CELF3: variants seen among roughly 807,000 people sequenced by gnomAD.
The protein encoded by CELF3 is CUGBP Elav-like family member 3.
CELF3 carries 26 observed loss-of-function variants against 59.6 expected under a neutral mutation model. That is an observed-to-expected ratio of 0.44 (90% CI 0.32 to 0.61). The LOEUF is 0.61. Ranked by LOEUF, CELF3 falls within the 20% of genes least tolerant of loss-of-function variation. The probability of loss-of-function intolerance (pLI) is 0.06; values close to 1 mark genes in which losing one functional copy is unlikely to be tolerated. For missense variants in CELF3, 387 were observed against 627.2 expected (o/e 0.62, Z 4.09); for synonymous variants, 245 against 250.7 (o/e 0.98, Z 0.22).
intron 2 of CELF3, chr1:151,714,381 C>T (rs1172976155): frequency 4.8e-6 from 3 of 628,154 alleles, no homozygotes; most frequent in African/African-American, 3.7e-5. Flanking sequence ...TGGTAAAAGT[C>T]ATGTTTACGC....
chr1:151,707,024 G>T, intron 8 of CELF3, 121 bp downstream of exon 8: 1 of 1,168,844 alleles, frequency 8.6e-7, no homozygotes. Context: ...CGCCCAGGAT[G>T]GCAGGGCAGG....
rs532045283 is a variant in CELF3 at position 151,701,330 on chromosome 1, G to A, written c.*2129C>T. The stretch of plus-strand genomic sequence containing the variant: ...GCACATGTTCTATGAAGTCAAAGAA[G>A]ACACCTGTGTGATCCTGAGCCTGCC... On this transcript the variant is annotated 3_prime_UTR_variant, in exon 13 of 13. Transcript: ENST00000290583. 1.6e-4 allele frequency among the ~76,000 whole-genome samples: 24 copies of A among 152,278 alleles called. 1 individual carries two copies. The South Asian group carries it at 5.0e-3, about 32-fold the overall frequency.
rs766413787 is a variant in CELF3, at chr1:151,706,325, G to A, written c.1025C>T (p.Ala342Val). Residue 342 changes from alanine to valine, a missense_variant, in exon 10 of 13, where the codon GCG (alanine) becomes GTG (valine). By Grantham distance (64) the Ala-to-Val change is moderately conservative (BLOSUM62 0). Coordinates refer to ENST00000290583, the MANE Select transcript of CELF3 (RefSeq NM_007185.7). ...YPAAYSLVAP[A>V]FPQPPALVAQ... ...GACCAGGGCTGGAGGCTGCGGGAAC[G>A]CAGGTGCAACCAGGCTGTAGGCTGC... The A allele has an allele frequency of 5.8e-6, 9 of 1,553,058 alleles. No individual in the cohort carries two copies. The highest frequency in any genetic ancestry group is 2.0e-5 in the Admixed American group (1 of 51,150).
At chr1:151,713,544 C>T (rs1380393360) in intron 2 of CELF3, 2 of 152,232 alleles carry the variant, frequency 1.3e-5, no homozygotes, top group Non-Finnish European at 2.9e-5. Flanking sequence ...TGAGGGGCCT[C>T]CACAGAGAAA....
In CELF3 at chr1:151,709,690, C is replaced by A; in HGVS notation, c.277+53G>T. The A allele has an allele frequency of 6.4e-7, 1 of 1,570,678 alleles. No homozygotes were observed. Among genetic ancestry groups the A allele is most frequent in the Admixed American group, 1.7e-5 (1 of 59,968 alleles). On this transcript the variant is annotated intron_variant, in intron 3 of 12. Coordinates refer to ENST00000290583, the MANE Select transcript of CELF3 (RefSeq NM_007185.7). This position sits in a 1 kb window ranked among gnomAD's most constrained non-coding sequence, Gnocchi z 4.9. Reference sequence around the variant, plus strand: ...AGGCTACCCCTCGACAACTCCAGGCCCTGGGCCTGGGGGTGGGAGGAGAGG... The same window carrying A: ...AGGCTACCCCTCGACAACTCCAGGCACTGGGCCTGGGGGTGGGAGGAGAGG...
intron 7 of CELF3, 67 bp from the exon 8 acceptor site, chr1:151,707,361 A>C (rs1020274515): frequency 1.3e-6 from 2 of 1,543,908 alleles, no homozygotes; most frequent in Non-Finnish European, 8.7e-7. Flanking sequence ...AGAACCAGTC[A>C]GCAAGTCTGT....
chr1:151,710,970 C>T (rs1437407405), intron 2 of CELF3: 7 of 385,780 alleles, frequency 1.8e-5, no homozygotes, highest in Non-Finnish European at 2.1e-5. Flanking sequence ...ACCTGGTTGC[C>T]CCACTCATCT....
rs1417764992 is a variant in CELF3 at position 151,708,120 on chromosome 1, C to T, written c.487-185G>A. ...CACTCTCTCCCTATGCTAGGATGTG[C>T]AAGAGGCTAGAAGAAAAAATGAGGA... On this transcript the variant is annotated intron_variant, in intron 5 of 12. Transcript: ENST00000290583. 3 of 598,936 alleles carry T rather than the reference C, an allele frequency of 5.0e-6. No individual in the cohort carries two copies. In the Admixed American group the frequency reaches 1.0e-4, roughly 20 times the overall value. 37.1% of individuals were successfully genotyped at this position (598,936 alleles called of 1,614,324 possible).
intron 12 of CELF3, among the ~76,000 whole-genome samples, chr1:151,704,295 G>A (rs1391501121): frequency 6.6e-6 from 1 of 152,168 alleles, no homozygotes; most frequent in Non-Finnish European, 1.5e-5. Context: ...TTTCTCAAGG[G>A]TTTGGTCCAA....
At chr1:151,708,847 G>T (rs1438033963) in intron 5 of CELF3, 151 bp downstream of exon 5, 1 of 663,730 alleles carries the variant, frequency 1.5e-6, no homozygotes, top group East Asian at 2.8e-5. Context: ...GAAATGTGAG[G>T]GTGTCCCTAA....
At chr1:151,706,414 C>G in intron 9 of CELF3, 53 bp from the exon 10 acceptor site, 1 of 1,490,940 alleles carries the variant, frequency 6.7e-7, no homozygotes, top group South Asian at 1.3e-5. Flanking sequence ...TTCTTGAGCC[C>G]TCCCAGCCAA....
At chr1:151,706,444 GC>G in intron 9 of CELF3, 83 bp from the exon 10 acceptor site, 1 of 1,405,346 alleles carries the variant, frequency 7.1e-7, no homozygotes, top group Non-Finnish European at 9.7e-7. Flanking sequence ...CCTTCCCCTA[GC>G]CCAGGCCAGT....
chr1:151,706,571 A>G, intron 9 of CELF3, 98 bp downstream of exon 9: 1 of 1,348,680 alleles, frequency 7.4e-7, no homozygotes, highest in Non-Finnish European at 1.0e-6. Flanking sequence ...GAAGAGGGTG[A>G]TTGGCAGGGA....
intron 12 of CELF3, among the ~76,000 whole-genome samples, chr1:151,704,718 A>G (rs1375426554): frequency 1.3e-5 from 2 of 152,190 alleles, no homozygotes; most frequent in African/African-American, 4.8e-5. Context: ...AGACATGGAC[A>G]CTGACCAGAC....
chr1:151,707,762 G>A, intron 6 of CELF3, 30 bp downstream of exon 6: 1 of 1,607,614 alleles, frequency 6.2e-7, no homozygotes, highest in Non-Finnish European at 8.5e-7. Context: ...GGGTCAGGAG[G>A]GCTGGCCCGG....
intron 1 of CELF3, 34 bp downstream of exon 1, chr1:151,715,842 C>T: frequency 6.2e-7 from 1 of 1,601,498 alleles, no homozygotes; most frequent in Non-Finnish European, 8.5e-7. Flanking sequence ...TCCCAGCCCA[C>T]CCCGAAGCCT....
chr1:151,715,149 C>T (rs1160644322), intron 1 of CELF3, among the ~76,000 whole-genome samples: 1 of 151,986 alleles, frequency 6.6e-6, no homozygotes, highest in Non-Finnish European at 1.5e-5. Context: ...AAGGGAAGAA[C>T]AGTTAGTTAG....
rs975819766 is a variant in CELF3, at chr1:151,716,729, C to T, written c.-709G>A. ...GGGCTGCTGCCGGCTGCTCCCGCCG[C>T]TGGGGCTGCCTGCTTTCCCGGTCAC... On this transcript the variant is annotated 5_prime_UTR_variant, in exon 1 of 13. Transcript: ENST00000290583. The T allele has an allele frequency of 1.9e-5, 9 of 461,804 alleles. No individual in the cohort carries two copies. The highest frequency in any genetic ancestry group is 3.6e-5 in the Non-Finnish European group (8 of 224,026). The allele number at this position is 461,804 out of a possible 1,614,324, so 28.6% of individuals were successfully genotyped here.
At position 151,707,232 on chromosome 1, in the gene CELF3, C is replaced by T. The variant is rs150245950; in HGVS notation, c.835G>A (p.Val279Ile). 772 of 1,551,976 alleles carry T rather than the reference C, an allele frequency of 5.0e-4. 9 individuals are homozygous for T. Among genetic ancestry groups the T allele is most frequent in the Admixed American group, 3.9e-4 (18 of 46,240 alleles). ...GTGGGCACCGGGCTGTAGCCGTTGACGCCCAGGGCAGCCGGAATGGCAGAG... is the reference window on the plus strand; with the variant it reads ...GTGGGCACCGGGCTGTAGCCGTTGATGCCCAGGGCAGCCGGAATGGCAGAG... ...PVSAIPAALG[V>I]NGYSPVPTQP... is the part of the protein sequence containing the mutation. The change falls in exon 8 of 13, where the codon GTC (valine) becomes ATC (isoleucine). Residue 279 changes from valine to isoleucine, a missense_variant. This residue lies in a region of CELF3 where 131 missense variants were observed against 153.7 expected (regional missense o/e 0.85). Coordinates refer to ENST00000290583, the MANE Select transcript of CELF3 (RefSeq NM_007185.7).
Sources: gnomAD v4.1 joint callset for allele counts (sites outside exome capture counted in the v4.1 genomes callset) on GRCh38, gnomAD v4.1.1 for gene constraint, gnomAD v4.1.1 regional missense constraint, Gnocchi (gnomAD v3.1) non-coding constraint, MANE v1.5 for transcripts, NCBI Gene and HGNC (gene_info 2026-07-23, HGNC 2026-07-21) for gene names.